Variants in PPP1R17 observed in about 807,000 individuals in gnomAD.
The protein encoded by PPP1R17 is G-substrate.
Under a neutral mutation model 15.9 loss-of-function variants are expected in PPP1R17, and 12 were observed. The observed-to-expected ratio is 0.75, with a 90% CI of 0.48 to 1.22. PPP1R17 has a LOEUF of 1.22. Ranked by LOEUF, PPP1R17 falls within the 50% of genes most tolerant of loss-of-function variation. The pLI is 0.00. For missense variants in PPP1R17, 211 were observed against 187.3 expected (o/e 1.13, Z -0.74); for synonymous variants, 63 against 64.5 (o/e 0.98, Z 0.11).
Position 31,697,007 on chromosome 7 carries a change from A to G in PPP1R17, c.278A>G (p.Glu93Gly), listed in dbSNP as rs1792613722. ...EHLIKRYDVQ[E>G]RHPKGKMIPV... ...TTAATTAAAAGATACGATGTTCAAG[A>G]GAGACATCCAAAGGGCAAAATGATC... The change falls in exon 4 of 5, where the codon GAG (glutamate) becomes GGG (glycine). Residue 93 changes from glutamate to glycine, a missense_variant. Physicochemically the swap from Glu to Gly is moderately conservative, Grantham distance 98. Coordinates refer to ENST00000342032, the MANE Select transcript of PPP1R17 (RefSeq NM_006658.5). The G allele has an allele frequency of 1.2e-6, 2 of 1,614,064 alleles. No homozygotes were observed. Among genetic ancestry groups the G allele is most frequent in the East Asian group, 2.2e-5 (1 of 44,894 alleles).
rs771642487 is a variant in PPP1R17 at position 31,704,572 on chromosome 7, A to T, written c.389-2632A>T. On this transcript the variant is annotated intron_variant, in intron 4 of 4. Transcript: ENST00000342032. The stretch of plus-strand genomic sequence containing the variant: ...TCCTTAGAGAATCTCACGGTTCAAT[A>T]GCGGAGAAGGATGTATTGTCCAGTG... 2.6e-5 allele frequency among the ~76,000 whole-genome samples: 4 copies of T among 152,238 alleles called. No individual in the cohort carries two copies. In the South Asian group the frequency reaches 8.3e-4, roughly 31 times the overall value.
rs559028372 is a variant in PPP1R17 at position 31,689,812 on chromosome 7, C to G, written c.-37+2506C>G. 2.6e-5 allele frequency among the ~76,000 whole-genome samples: 4 copies of G among 152,254 alleles called. No individual in the cohort carries two copies. The South Asian group carries it at 8.3e-4, about 32-fold the overall frequency. On this transcript the variant is annotated intron_variant, in intron 1 of 4. Transcript: ENST00000342032. ...TTCATGATAAAAGTATCTTCTAACCCCATGAGCAAAACACATCCCTGCACG... is the reference window on the plus strand; with the variant it reads ...TTCATGATAAAAGTATCTTCTAACCGCATGAGCAAAACACATCCCTGCACG...
chr7:31,693,137 C>T (rs569545661), intron 2 of PPP1R17, among the ~76,000 whole-genome samples: 5 of 152,174 alleles, frequency 3.3e-5, no homozygotes, highest in African/African-American at 1.2e-4. Flanking sequence ...TATGACTCCC[C>T]CCTCCTCTCC....
intron 1 of PPP1R17, 23 bp from the exon 2 acceptor site, chr7:31,692,382 TA>T: frequency 3.0e-6 from 4 of 1,339,812 alleles, no homozygotes; most frequent in Non-Finnish European, 4.3e-6. Flanking sequence ...CCATACTTAT[TA>T]ACTGTTTTTT....
chr7:31,690,381 T>G (rs1432401839), intron 1 of PPP1R17, among the ~76,000 whole-genome samples: 1 of 152,176 alleles, frequency 6.6e-6, no homozygotes, highest in Non-Finnish European at 1.5e-5. Context: ...ATGAGGAAAC[T>G]CAGGGTAAGC....
intron 3 of PPP1R17, 143 bp from the exon 4 acceptor site, chr7:31,696,822 T>G: frequency 1.1e-6 from 1 of 902,316 alleles, no homozygotes; most frequent in Middle Eastern, 3.2e-4. Flanking sequence ...TAATGCTTCT[T>G]ATGAAAAGTC....
intron 3 of PPP1R17, 85 bp from the exon 4 acceptor site, chr7:31,696,880 A>T: frequency 7.0e-7 from 1 of 1,434,358 alleles, no homozygotes; most frequent in Non-Finnish European, 9.5e-7. Context: ...TGTCTTCACC[A>T]GATGTCTATA....
rs761469509 is a variant in PPP1R17, at chr7:31,696,932, C to T, written c.236-33C>T. 5 of 1,606,732 alleles carry T rather than the reference C, an allele frequency of 3.1e-6. No homozygotes were observed. The Admixed American group carries it at 8.4e-5, about 27-fold the overall frequency. On this transcript the variant is annotated intron_variant, in intron 3 of 4. Transcript: ENST00000342032. ...ATATATTAGGATATATGTATTTGAT[C>T]CTGTTTCTCTCTGTGTTCCCCTAAC...
At chr7:31,704,272 G>A (rs909614932) in intron 4 of PPP1R17, among the ~76,000 whole-genome samples, 12 of 152,174 alleles carry the variant, frequency 7.9e-5, no homozygotes, top group East Asian at 3.9e-4. Flanking sequence ...ATCAGAAGAC[G>A]TGGTGTCCTA....
chr7:31,699,927 C>A (rs948401053), intron 4 of PPP1R17, among the ~76,000 whole-genome samples: 1 of 152,138 alleles, frequency 6.6e-6, no homozygotes, highest in Non-Finnish European at 1.5e-5. Flanking sequence ...TGTATGCGTT[C>A]TGTCTGTTCC....
intron 4 of PPP1R17, among the ~76,000 whole-genome samples, chr7:31,704,800 T>A (rs78374421): frequency 0.038 from 5,775 of 152,282 alleles, 389 homozygotes; most frequent in African/African-American, 0.13. Context: ...GGCAAAGCTT[T>A]CTGGCTTCAG....
chr7:31,705,745 C>T (rs893296808), intron 4 of PPP1R17, among the ~76,000 whole-genome samples: 8 of 151,684 alleles, frequency 5.3e-5, no homozygotes, highest in Admixed American at 3.9e-4. Context: ...GACTGGAAGG[C>T]GTCTCATTAT....
rs1384343031 is a variant in PPP1R17, at chr7:31,687,281, T to C, written c.-62T>C. The C allele has an allele frequency of 1.3e-5, 2 of 152,316 alleles. No individual in the cohort carries two copies. The highest frequency in any genetic ancestry group is 2.9e-5 in the Non-Finnish European group (2 of 68,120). 9.4% of individuals were successfully genotyped at this position (152,316 alleles called of 1,614,324 possible). ...CACACGCCCTCCCTGTCTCTCGCCT[T>C]CGCTTCCCTGCATCTGCGCTGATTG... On this transcript the variant is annotated 5_prime_UTR_variant, in exon 1 of 5. Coordinates refer to ENST00000342032, the MANE Select transcript of PPP1R17 (RefSeq NM_006658.5).
At chr7:31,701,073 C>T (rs1400463171) in intron 4 of PPP1R17, among the ~76,000 whole-genome samples, 1 of 152,144 alleles carries the variant, frequency 6.6e-6, no homozygotes, top group Non-Finnish European at 1.5e-5. Context: ...AGTCTTGTTA[C>T]TTAAGAAATA....
rs1246925091 is a variant in PPP1R17, at chr7:31,695,495, G to A, written c.109G>A (p.Asp37Asn). Reference sequence around the variant, plus strand: ...TGATCTTTCAGACCAGTTCATTAAGGACTGTGATCTCAAAAAGAAGCCTAG... The same window carrying A: ...TGATCTTTCAGACCAGTTCATTAAGAACTGTGATCTCAAAAAGAAGCCTAG... ...LDDLSDQFIK[D>N]CDLKKKPRKG... Residue 37 changes from aspartate to asparagine, a missense_variant, in exon 3 of 5, where the codon GAC becomes AAC. Asp to Asn is a conservative substitution (Grantham distance 23). Transcript: ENST00000342032. 3.1e-6 allele frequency: 5 copies of A among 1,612,498 alleles called. No homozygotes were observed. The Admixed American group carries it at 6.7e-5, about 22-fold the overall frequency.
Position 31,705,815 on chromosome 7 carries a change from G to A in PPP1R17, c.389-1389G>A, listed in dbSNP as rs187041051. On this transcript the variant is annotated intron_variant, in intron 4 of 4. Coordinates refer to ENST00000342032, the MANE Select transcript of PPP1R17 (RefSeq NM_006658.5). ...GAAGCTGGCTGGAGTGGGATGACAG[G>A]GACCATGGAGGACTGGCCTTCCATC... Among the ~76,000 whole-genome samples, 578 of 151,800 alleles carry A rather than the reference G, an allele frequency of 3.8e-3. 3 individuals carry two copies. Among genetic ancestry groups the A allele is most frequent in the African/African-American group, 0.013 (554 of 41,344 alleles).
chr7:31,707,207 T>C lies in PPP1R17; in HGVS notation c.392T>C (p.Val131Ala), dbSNP rs1453865885. The change falls in exon 5 of 5, where the codon GTG becomes GCG. Residue 131 changes from valine (V) to alanine (A), a missense_variant. Coordinates refer to ENST00000342032, the MANE Select transcript of PPP1R17 (RefSeq NM_006658.5). ...ALHMSPFAAG[V>A]TLLRDERPKA... ...AGGTCTGTGCTTTGTTTTGCAGGTG[T>C]GACATTGCTCAGGGACGAGAGACCC... The C allele has an allele frequency of 6.2e-7, 1 of 1,613,580 alleles. No individual in the cohort carries two copies. Among genetic ancestry groups the C allele is most frequent in the African/African-American group, 1.3e-5 (1 of 75,010 alleles).
Position 31,692,553 on chromosome 7 carries a change from T to G in PPP1R17, c.82+30T>G, listed in dbSNP as rs199778524. On this transcript the variant is annotated intron_variant, in intron 2 of 4. Transcript: ENST00000342032. ...ACAAATGATCGATTGTGAATGTCAG[T>G]GGTGGAAGTCAGAGAAGAGGCGTCT... 1,552 of 1,559,572 alleles carry G rather than the reference T, an allele frequency of 1.0e-3. 1 individual carries two copies. The highest frequency in any genetic ancestry group is 1.5e-3 in the Admixed American group (87 of 59,784).
intron 1 of PPP1R17, among the ~76,000 whole-genome samples, chr7:31,690,847 C>G (rs1792313417): frequency 6.6e-6 from 1 of 152,086 alleles, no homozygotes; most frequent in South Asian, 2.1e-4. Flanking sequence ...TTTTGAGCCT[C>G]AGTTTCTTCT....
Sources: gnomAD v4.1 joint callset for allele counts (sites outside exome capture counted in the v4.1 genomes callset) on GRCh38, gnomAD v4.1.1 for gene constraint, MANE v1.5 for transcripts, NCBI Gene and HGNC (gene_info 2026-07-23, HGNC 2026-07-21) for gene names.